Variants in CLUL1 observed in about 807,000 individuals in gnomAD.
CLUL1 encodes clusterin-like protein 1.
Under a neutral mutation model 49.4 loss-of-function variants are expected in CLUL1, and 43 were observed. The observed-to-expected ratio is 0.87, with a 90% CI of 0.68 to 1.12. CLUL1 has a LOEUF of 1.12. Ranked by LOEUF, CLUL1 falls within the 50% of genes most tolerant of loss-of-function variation. The pLI is 0.00. For synonymous variants in CLUL1, 192 were observed against 184.9 expected, an observed-to-expected ratio of 1.04 and a Z score of -0.31; for missense variants, 486 against 544.4, an observed-to-expected ratio of 0.89 and a Z score of 1.07.
intron 9 of CLUL1, among the ~76,000 whole-genome samples, chr18:646,507 C>G (rs2074513801): frequency 6.9e-6 from 1 of 144,940 alleles, no homozygotes; most frequent in Non-Finnish European, 1.5e-5. Flanking sequence ...GACACACACA[C>G]ACACACACAC....
At chr18:640,385 G>A (rs1437381037) in intron 7 of CLUL1, among the ~76,000 whole-genome samples, 1 of 151,792 alleles carries the variant, frequency 6.6e-6, no homozygotes, top group Non-Finnish European at 1.5e-5. Context: ...ACTCCAGCCT[G>A]GGTAACAGAG....
chr18:598,323 G>A (rs1489675259), intron 1 of CLUL1: 3 of 382,656 alleles, frequency 7.8e-6, no homozygotes, highest in African/African-American at 4.1e-5. Flanking sequence ...CTTGAAGAAA[G>A]TCACGATGAT....
intron 1 of CLUL1, among the ~76,000 whole-genome samples, chr18:603,213 C>T (rs557337313): frequency 6.6e-5 from 10 of 152,186 alleles, no homozygotes; most frequent in African/African-American, 2.2e-4. Flanking sequence ...CCCAAGTCCC[C>T]GAGACAAACT....
Position 606,747 on chromosome 18 carries a change from C to T in CLUL1, c.-135-231C>T, listed in dbSNP as rs957758857. On this transcript the variant is annotated intron_variant, in intron 1 of 9. Transcript: ENST00000692774. This position sits in a 1 kb window ranked among gnomAD's most constrained non-coding sequence, Gnocchi z 4.1. The stretch of plus-strand genomic sequence containing the variant: ...AGAAAAAGAGGATTATATAATAAAA[C>T]GTAAAACAACAAACATATACACACA... Among the ~76,000 whole-genome samples, 10 of 152,092 alleles carry T rather than the reference C, an allele frequency of 6.6e-5. No individual in the cohort carries two copies. Among genetic ancestry groups the T allele is most frequent in the African/African-American group, 1.2e-4 (5 of 41,422 alleles).
Position 624,967 on chromosome 18 carries a change from C to T in CLUL1, c.358C>T (p.Leu120=). Residue 120 remains leucine, a synonymous_variant, in exon 5 of 10, where the codon CTG becomes TTG. Coordinates refer to ENST00000692774, the MANE Select transcript of CLUL1 (RefSeq NM_001393344.1). ...ADSWGECRSC[L]ENNCMRIYTT... is the part of the protein sequence containing the mutation. Reference sequence around the variant, plus strand: ...TTCCTGGGGTGAATGCAGGTCTTGCCTGGAAAATAACTGCATGAGAATTTA... The same window carrying T: ...TTCCTGGGGTGAATGCAGGTCTTGCTTGGAAAATAACTGCATGAGAATTTA... The T allele has an allele frequency of 6.2e-7, 1 of 1,614,104 alleles. No individual in the cohort carries two copies. Among genetic ancestry groups the T allele is most frequent in the African/African-American group, 1.3e-5 (1 of 75,016 alleles).
intron 1 of CLUL1, among the ~76,000 whole-genome samples, chr18:602,525 A>C (rs1448430741): frequency 6.6e-6 from 1 of 151,830 alleles, no homozygotes; most frequent in East Asian, 1.9e-4. Context: ...CCAATAACAG[A>C]CTCCCTTAAC....
chr18:640,842 C>G (rs1296709485), intron 7 of CLUL1, among the ~76,000 whole-genome samples: 1 of 149,546 alleles, frequency 6.7e-6, no homozygotes, highest in Non-Finnish European at 1.5e-5. Context: ...CATCACAAAT[C>G]TTTTTTTTTT....
chr18:630,543 A>C (rs1598432645), intron 6 of CLUL1, among the ~76,000 whole-genome samples: 1 of 152,246 alleles, frequency 6.6e-6, no homozygotes, highest in South Asian at 2.1e-4. Flanking sequence ...ACTTGGCTCG[A>C]CTTTGACGAC....
chr18:638,732 C>T (rs953392418), intron 7 of CLUL1, among the ~76,000 whole-genome samples: 1 of 151,846 alleles, frequency 6.6e-6, no homozygotes, highest in East Asian at 1.9e-4. Flanking sequence ...GTGGTACGCA[C>T]CTGTAGTCTC....
chr18:617,489 GA>G (rs1452501182), intron 2 of CLUL1, among the ~76,000 whole-genome samples: 12 of 150,094 alleles, frequency 8.0e-5, no homozygotes, highest in African/African-American at 2.2e-4. Context: ...AGCTACTTGG[GA>G]AGGCTGAGGC....
chr18:622,859 A>G (rs1463706846), intron 4 of CLUL1, among the ~76,000 whole-genome samples: 2 of 152,130 alleles, frequency 1.3e-5, no homozygotes, highest in Admixed American at 6.5e-5. Flanking sequence ...CTTATTTGCA[A>G]ATGAGGAGAC....
At chr18:604,870 C>T (rs1007509532) in intron 1 of CLUL1, among the ~76,000 whole-genome samples, 6 of 152,154 alleles carry the variant, frequency 3.9e-5, no homozygotes, top group African/African-American at 1.4e-4. Flanking sequence ...CTGATGGGGC[C>T]GAGTTCCCTG....
At chr18:648,751 G>A (rs886506423) in intron 9 of CLUL1, among the ~76,000 whole-genome samples, 3 of 152,148 alleles carry the variant, frequency 2.0e-5, no homozygotes, top group Admixed American at 6.5e-5. Context: ...CCACCTCCCA[G>A]GTTCAAGCGA....
At chr18:645,751 G>A (rs1335563160) in intron 9 of CLUL1, among the ~76,000 whole-genome samples, 80 of 124,862 alleles carry the variant, frequency 6.4e-4, no homozygotes, top group African/African-American at 2.1e-3. Flanking sequence ...CAGAGATCGC[G>A]CCACTGCACT....
At chr18:647,656 G>T (rs1375707715) in intron 9 of CLUL1, among the ~76,000 whole-genome samples, 1 of 152,208 alleles carries the variant, frequency 6.6e-6, no homozygotes, top group Non-Finnish European at 1.5e-5. Context: ...CAGGAGAGAG[G>T]AGAGTCTTGG....
intron 2 of CLUL1, among the ~76,000 whole-genome samples, chr18:609,194 G>A (rs1232650757): frequency 6.6e-6 from 1 of 152,086 alleles, no homozygotes; most frequent in Non-Finnish European, 1.5e-5. Flanking sequence ...ATAAAACAAA[G>A]TTTGTATACA....
rs978201097 is a variant in CLUL1 at position 640,634 on chromosome 18, G to A, written c.995-693G>A. ...AATTCACTGTTGTATGTTGGTCTAT[G>A]TAGGCATATCACAATTTATTCATTC... is the stretch of plus-strand genomic sequence containing the variant. On this transcript the variant is annotated intron_variant, in intron 7 of 9. Transcript: ENST00000692774. Among the ~76,000 whole-genome samples the A allele has an allele frequency of 2.0e-5, 3 of 152,130 alleles. No homozygotes were observed. In the East Asian group the frequency reaches 5.8e-4, roughly 29 times the overall value.
At chr18:624,294 A>G (rs1237927213) in intron 4 of CLUL1, among the ~76,000 whole-genome samples, 2 of 151,772 alleles carry the variant, frequency 1.3e-5, no homozygotes, top group African/African-American at 4.8e-5. Flanking sequence ...TATATTTATT[A>G]TATTACATTC....
At chr18:643,602 C>T (rs977447777) in intron 8 of CLUL1, among the ~76,000 whole-genome samples, 2 of 152,142 alleles carry the variant, frequency 1.3e-5, no homozygotes, top group Non-Finnish European at 1.5e-5. Context: ...TCTAGTGTCT[C>T]TTGAGTAACA....
Sources: gnomAD v4.1 joint callset for allele counts (sites outside exome capture counted in the v4.1 genomes callset) on GRCh38, gnomAD v4.1.1 for gene constraint, Gnocchi (gnomAD v3.1) non-coding constraint, MANE v1.5 for transcripts, NCBI Gene and HGNC (gene_info 2026-07-23, HGNC 2026-07-21) for gene names.